Variants in RCOR3 observed in about 807,000 individuals in gnomAD.
The protein encoded by RCOR3 is REST corepressor 3.
RCOR3 carries 13 observed loss-of-function variants against 64.1 expected under a neutral mutation model. That is an observed-to-expected ratio of 0.20 (90% confidence interval 0.13 to 0.32). The LOEUF (loss-of-function observed/expected upper bound fraction) is 0.32. RCOR3 is among the 10% of genes least tolerant of loss of function. The pLI is 1.00. For missense variants in RCOR3, 489 were observed against 701.2 expected, an observed-to-expected ratio of 0.70 and a Z score of 3.42; for synonymous variants, 215 against 239.0, an observed-to-expected ratio of 0.90 and a Z score of 0.93.
At chr1:211,304,685 C>CA (rs1486601730) in intron 10 of RCOR3, among the ~76,000 whole-genome samples, 2 of 152,098 alleles carry the variant, frequency 1.3e-5, no homozygotes, top group Non-Finnish European at 2.9e-5. Flanking sequence ...AGAGCGATAT[C>CA]AAAAAATCAC....
In RCOR3 at chr1:211,313,606, C is replaced by G. The variant is rs1379228645; in HGVS notation, c.1500C>G (p.Ile500Met). 2 of 1,614,144 alleles carry G rather than the reference C, an allele frequency of 1.2e-6. No individual in the cohort carries two copies. The highest frequency in any genetic ancestry group is 2.2e-5 in the South Asian group (2 of 91,078). Residue 500 changes from isoleucine to methionine, a missense_variant, in exon 12 of 12, where the codon ATC becomes ATG. Physicochemically the swap from Ile to Met is conservative, Grantham distance 10. Around this residue, in one of 2 missense-constraint regions of RCOR3, gnomAD observed 402 missense variants for 617.0 expected, o/e 0.65. Coordinates refer to ENST00000419091, the MANE Select transcript of RCOR3 (RefSeq NM_001136223.3). The surrounding 1 kb of genome is among the most constrained non-coding windows in gnomAD (Gnocchi z 4.7). ...PPPLQQQARF[I>M]QPRPTLNQPP... ...CACTCCAGCAGCAGGCTCGGTTCAT[C>G]CAGCCCCGGCCAACTTTAAATCAGC...
chr1:211,293,170 C>T (rs1038540513), intron 8 of RCOR3, among the ~76,000 whole-genome samples: 1 of 151,264 alleles, frequency 6.6e-6, no homozygotes, highest in Non-Finnish European at 1.5e-5. Context: ...ATACCACTAC[C>T]ATCCTTCCTT....
At chr1:211,298,042 C>T (rs1458663164) in intron 9 of RCOR3, among the ~76,000 whole-genome samples, 1 of 152,034 alleles carries the variant, frequency 6.6e-6, no homozygotes, top group African/African-American at 2.4e-5. Context: ...CATTCACTTC[C>T]ACAAGTATTT....
rs555475583 is a variant in RCOR3, at chr1:211,294,595, T to C, written c.940-1081T>C. 6.8e-4 allele frequency among the ~76,000 whole-genome samples: 96 copies of C among 140,772 alleles called. 1 individual carries two copies. The highest frequency in any genetic ancestry group is 3.7e-3 in the Middle Eastern group (1 of 272). 92.4% of individuals were successfully genotyped at this position (140,772 alleles called of 152,430 possible). A position where few individuals can be genotyped will look rare whatever the true frequency, so the allele number is the denominator to read the frequency against. On this transcript the variant is annotated intron_variant, in intron 8 of 11. Coordinates refer to ENST00000419091, the MANE Select transcript of RCOR3 (RefSeq NM_001136223.3). ...TTTTCTTTCTTTCTTTCTTTTTTTT[T>C]TTTTTTTTTTTTGAGACGGAGTCTC... is the stretch of plus-strand genomic sequence containing the variant.
intron 7 of RCOR3, among the ~76,000 whole-genome samples, chr1:211,279,565 T>G (rs1697480935): frequency 6.6e-6 from 1 of 152,238 alleles, no homozygotes; most frequent in South Asian, 2.1e-4. Flanking sequence ...TGTGACCTCA[T>G]TCAGTTTAGT....
intron 8 of RCOR3, 91 bp from the exon 9 acceptor site, chr1:211,295,585 G>A (rs191821488): frequency 8.8e-5 from 91 of 1,032,880 alleles, no homozygotes; most frequent in Non-Finnish European, 1.3e-4. Context: ...ATTTAAGAGG[G>A]GTTTGGAATA....
At position 211,292,507 on chromosome 1, in the gene RCOR3, T is replaced by A. The variant is rs184188135; in HGVS notation, c.939+3111T>A. Among the ~76,000 whole-genome samples, 5 of 152,364 alleles carry A rather than the reference T, an allele frequency of 3.3e-5. No homozygotes were observed. The East Asian group carries it at 9.6e-4, about 29-fold the overall frequency. ...TAGGGACTATTTTTATTGATTTTTT[T>A]AGAAGGCACTTTAAGCTTTAACTTC... On this transcript the variant is annotated intron_variant, in intron 8 of 11. Coordinates refer to ENST00000419091, the MANE Select transcript of RCOR3 (RefSeq NM_001136223.3).
chr1:211,265,398 CATAT>C lies in RCOR3; in HGVS notation c.223+5238_223+5241del, dbSNP rs375407045. ...ATGCATTTTCTCCACAGAATTTTAT[CATAT>C]ATAATTTTTTTTGTGCTTTGAAGTG... On this transcript the variant is annotated intron_variant, in intron 2 of 11. Coordinates refer to ENST00000419091, the MANE Select transcript of RCOR3 (RefSeq NM_001136223.3). Among the ~76,000 whole-genome samples the C allele has an allele frequency of 1.1e-4, 16 of 152,166 alleles. No individual in the cohort carries two copies. In the East Asian group the frequency reaches 2.7e-3, roughly 26 times the overall value.
intron 8 of RCOR3, among the ~76,000 whole-genome samples, chr1:211,294,653 G>A (rs979076267): frequency 1.4e-5 from 2 of 140,908 alleles, no homozygotes; most frequent in African/African-American, 2.6e-5. Flanking sequence ...GCAGCGGCGC[G>A]ATCTCAGCTC....
chr1:211,268,043 C>T (rs1194578229), intron 2 of RCOR3, among the ~76,000 whole-genome samples: 2 of 152,120 alleles, frequency 1.3e-5, no homozygotes, highest in Admixed American at 6.5e-5. Flanking sequence ...CATGATATGC[C>T]GTTAAGACTT....
chr1:211,307,867 A>G (rs1701017884), intron 10 of RCOR3, among the ~76,000 whole-genome samples: 1 of 151,906 alleles, frequency 6.6e-6, no homozygotes, highest in Non-Finnish European at 1.5e-5. Flanking sequence ...TATAATTACT[A>G]CCTTTTAATA....
Position 211,313,446 on chromosome 1 carries a change from G to A in RCOR3, c.1340G>A (p.Arg447Gln), listed in dbSNP as rs773567709. The change falls in exon 12 of 12, where the codon CGG (arginine) becomes CAG (glutamine). Residue 447 changes from arginine (R) to glutamine (Q), a missense_variant. Transcript: ENST00000419091. This position sits in a 1 kb window ranked among gnomAD's most constrained non-coding sequence, Gnocchi z 4.7. Reference sequence around the variant, plus strand: ...TAGGCACAGACCCCACAGGCTCCTCGGACACTGGGTCCATCACCTCCTGCC... The same window carrying A: ...TAGGCACAGACCCCACAGGCTCCTCAGACACTGGGTCCATCACCTCCTGCC... ...EEEAQTPQAP[R>Q]TLGPSPPAPS... 8 of 1,613,432 alleles carry A rather than the reference G, an allele frequency of 5.0e-6. No homozygotes were observed. In the East Asian group the frequency reaches 6.7e-5, roughly 13 times the overall value.
Position 211,313,791 on chromosome 1 carries a change from A to G in RCOR3, c.*23A>G, listed in dbSNP as rs1050288720. 3 of 1,590,702 alleles carry G rather than the reference A, an allele frequency of 1.9e-6. No individual in the cohort carries two copies. The highest frequency in any genetic ancestry group is 2.7e-5 in the African/African-American group (2 of 74,506). On this transcript the variant is annotated 3_prime_UTR_variant, in exon 12 of 12. Transcript: ENST00000419091. The surrounding 1 kb of genome is among the most constrained non-coding windows in gnomAD (Gnocchi z 4.7). ...TAAAAATTAAATTGGACACAGCTGCAGTAACTTTTCACCCCATCATTATAC... is the reference window on the plus strand; with the variant it reads ...TAAAAATTAAATTGGACACAGCTGCGGTAACTTTTCACCCCATCATTATAC...
intron 4 of RCOR3, among the ~76,000 whole-genome samples, chr1:211,275,094 G>C (rs1005868628): frequency 1.3e-5 from 2 of 151,410 alleles, no homozygotes; most frequent in Non-Finnish European, 3.0e-5. Flanking sequence ...TTAGTAATGA[G>C]GGAATGGAAA....
intron 8 of RCOR3, among the ~76,000 whole-genome samples, 186 bp downstream of exon 8, chr1:211,289,582 C>A (rs890709766): frequency 2.0e-5 from 3 of 152,062 alleles, no homozygotes; most frequent in Non-Finnish European, 2.9e-5. Flanking sequence ...GATTTGAATC[C>A]CAGCATTGCT....
At chr1:211,310,143 T>G (rs984541069) in intron 10 of RCOR3, among the ~76,000 whole-genome samples, 5 of 152,192 alleles carry the variant, frequency 3.3e-5, no homozygotes, top group Non-Finnish European at 7.3e-5. Flanking sequence ...TAGTGCTGCT[T>G]TGTATTTTCT....
intron 7 of RCOR3, among the ~76,000 whole-genome samples, chr1:211,281,162 T>C (rs1436452854): frequency 6.6e-6 from 1 of 152,116 alleles, no homozygotes; most frequent in African/African-American, 2.4e-5. Flanking sequence ...TCAGTTGTAT[T>C]CTGCTTGTGC....
intron 7 of RCOR3, among the ~76,000 whole-genome samples, chr1:211,279,583 A>G (rs543423659): frequency 6.6e-6 from 1 of 152,320 alleles, no homozygotes; most frequent in Non-Finnish European, 1.5e-5. Flanking sequence ...AGTGACTCTC[A>G]TTCTTCTGAA....
chr1:211,305,206 GA>G (rs1700740382), intron 10 of RCOR3, among the ~76,000 whole-genome samples: 1 of 152,166 alleles, frequency 6.6e-6, no homozygotes, highest in African/African-American at 2.4e-5. Flanking sequence ...GTGCCAGCAG[GA>G]TGATGTCAGC....
Sources: gnomAD v4.1 joint callset for allele counts (sites outside exome capture counted in the v4.1 genomes callset) on GRCh38, gnomAD v4.1.1 for gene constraint, gnomAD v4.1.1 regional missense constraint, Gnocchi (gnomAD v3.1) non-coding constraint, MANE v1.5 for transcripts, NCBI Gene and HGNC (gene_info 2026-07-23, HGNC 2026-07-21) for gene names.